The following STAU2 variants were observed in gnomAD, a reference collection of about 807,000 sequenced individuals.
STAU2 encodes staufen double-stranded RNA binding protein 2.
In STAU2, 20 loss-of-function variants were observed where a neutral mutation model predicts 65.9. That is an observed-to-expected ratio of 0.30 (90% CI 0.21 to 0.44). The LOEUF (loss-of-function observed/expected upper bound fraction) is 0.44. Ranked by LOEUF, STAU2 falls within the 20% of genes least tolerant of loss-of-function variation. The pLI is 1.00. For synonymous variants in STAU2, 232 were observed against 233.9 expected (o/e 0.99, Z 0.07); for missense variants, 558 against 683.9 (o/e 0.82, Z 2.05).
intron 6 of STAU2, among the ~76,000 whole-genome samples, chr8:73,663,861 T>A (rs939045699): frequency 6.6e-6 from 1 of 152,324 alleles, no homozygotes; most frequent in African/African-American, 2.4e-5. Context: ...ACCACTGATT[T>A]TTGTATACTA....
At chr8:73,593,193 G>T (rs1810947767) in intron 11 of STAU2, among the ~76,000 whole-genome samples, 1 of 152,110 alleles carries the variant, frequency 6.6e-6, no homozygotes, top group Non-Finnish European at 1.5e-5. Flanking sequence ...GTTGCCTCCT[G>T]ACTGGCCTTT....
chr8:73,447,722 A>G (rs1474239384), intron 13 of STAU2, among the ~76,000 whole-genome samples: 3 of 152,224 alleles, frequency 2.0e-5, no homozygotes, highest in African/African-American at 7.2e-5. Flanking sequence ...AACCCCTGGA[A>G]GAACCAGGGC....
intron 10 of STAU2, among the ~76,000 whole-genome samples, chr8:73,599,887 C>T (rs781134786): frequency 1.3e-5 from 2 of 152,166 alleles, no homozygotes; most frequent in Non-Finnish European, 2.9e-5. Context: ...CCTGCCTCAG[C>T]CTCCCGAGTA....
chr8:73,536,081 C>A (rs1806160815), intron 13 of STAU2, among the ~76,000 whole-genome samples: 1 of 151,960 alleles, frequency 6.6e-6, no homozygotes, highest in South Asian at 2.1e-4. Context: ...GATGACAGAC[C>A]ATTTATGATT....
chr8:73,656,379 T>C (rs1355104994), intron 6 of STAU2, among the ~76,000 whole-genome samples: 1 of 152,252 alleles, frequency 6.6e-6, no homozygotes, highest in African/African-American at 2.4e-5. Flanking sequence ...ACGTGGCAAT[T>C]GATGTTAAGT....
chr8:73,630,786 A>G (rs1814035135), intron 6 of STAU2, among the ~76,000 whole-genome samples: 1 of 152,178 alleles, frequency 6.6e-6, no homozygotes, highest in South Asian at 2.1e-4. Context: ...GCCCCAGGAA[A>G]TCATAGTTGT....
At chr8:73,545,297 T>G (rs1166171138) in intron 13 of STAU2, among the ~76,000 whole-genome samples, 1 of 152,182 alleles carries the variant, frequency 6.6e-6, no homozygotes, top group Non-Finnish European at 1.5e-5. Context: ...TTGCTCTGTC[T>G]GTTGTCCAGG....
chr8:73,717,060 C>A (rs891721158), intron 3 of STAU2, among the ~76,000 whole-genome samples: 14 of 152,090 alleles, frequency 9.2e-5, no homozygotes, highest in Admixed American at 2.6e-4. Flanking sequence ...CAAGAAGGTA[C>A]CACTGCACTC....
intron 3 of STAU2, among the ~76,000 whole-genome samples, chr8:73,716,220 C>T (rs969447921): frequency 2.0e-5 from 3 of 152,100 alleles, no homozygotes; most frequent in Non-Finnish European, 4.4e-5. Context: ...TCCCAAGTAG[C>T]TGGGACTACA....
intron 5 of STAU2, among the ~76,000 whole-genome samples, chr8:73,682,613 A>G (rs1319345521): frequency 5.3e-5 from 8 of 152,136 alleles, no homozygotes; most frequent in Non-Finnish European, 7.3e-5. Context: ...AGAAATAACA[A>G]AGATGAGAGC....
Position 73,617,470 on chromosome 8 carries a change from A to C in STAU2, c.411-19T>G, listed in dbSNP as rs1453799941. On this transcript the variant is annotated intron_variant, in intron 6 of 14. Transcript: ENST00000524300. ...ATGATACCTAAAATAAGAAAATAAA[A>C]ACATTAAAGTTAGCTTAATAAAACC... The C allele has an allele frequency of 5.0e-6, 8 of 1,607,630 alleles. No homozygotes were observed. The highest frequency in any genetic ancestry group is 1.3e-5 in the African/African-American group (1 of 74,588).
intron 13 of STAU2, among the ~76,000 whole-genome samples, chr8:73,478,030 A>G (rs1820405606): frequency 7.4e-6 from 1 of 135,956 alleles, no homozygotes; most frequent in South Asian, 2.6e-4. Flanking sequence ...AGAAATATAT[A>G]TATGTATATA....
At chr8:73,561,834 T>A (rs1808254560) in intron 12 of STAU2, among the ~76,000 whole-genome samples, 1 of 152,176 alleles carries the variant, frequency 6.6e-6, no homozygotes, top group Non-Finnish European at 1.5e-5. Context: ...AGTTTAGTAA[T>A]CCTCACAATG....
chr8:73,576,272 A>G (rs982492310), intron 12 of STAU2, among the ~76,000 whole-genome samples: 1 of 152,214 alleles, frequency 6.6e-6, no homozygotes, highest in Non-Finnish European at 1.5e-5. Context: ...ATAAATCATT[A>G]TGGGATATTC....
At chr8:73,745,379 T>G (rs1807197841) in intron 1 of STAU2, among the ~76,000 whole-genome samples, 1 of 152,194 alleles carries the variant, frequency 6.6e-6, no homozygotes, top group African/African-American at 2.4e-5. Context: ...TTCACAACAG[T>G]GTACTTGAAT....
chr8:73,703,983 T>C (rs1820309431), intron 4 of STAU2, among the ~76,000 whole-genome samples: 1 of 152,212 alleles, frequency 6.6e-6, no homozygotes, highest in African/African-American at 2.4e-5. Flanking sequence ...TAGTATTTTC[T>C]CTCTCATGAC....
At chr8:73,591,237 C>T (rs934947058) in intron 11 of STAU2, among the ~76,000 whole-genome samples, 1 of 151,714 alleles carries the variant, frequency 6.6e-6, no homozygotes, top group Non-Finnish European at 1.5e-5. Context: ...AAATGTATAG[C>T]CACAATAGGA....
intron 13 of STAU2, chr8:73,550,991 G>C (rs1193811558): frequency 2.0e-6 from 2 of 985,962 alleles, no homozygotes; most frequent in Admixed American, 6.2e-5. Context: ...ATTTCTAAAG[G>C]ATATTACAGT....
At chr8:73,439,490 C>T (rs1045741564) in intron 13 of STAU2, among the ~76,000 whole-genome samples, 4 of 152,118 alleles carry the variant, frequency 2.6e-5, no homozygotes, top group South Asian at 2.1e-4. Context: ...TGGGGGTGCA[C>T]GCCTGTAATC....
Sources: allele counts gnomAD v4.1 joint callset (sites outside exome capture counted in the v4.1 genomes callset), GRCh38; gene constraint gnomAD v4.1.1; transcripts MANE v1.5; gene names NCBI Gene and HGNC (gene_info 2026-07-23, HGNC 2026-07-21).